PROM1: variants seen among roughly 807,000 people sequenced by gnomAD.
PROM1 encodes the protein prominin 1, also known as prominin-1.
In PROM1, 105 loss-of-function variants were observed where a neutral mutation model predicts 116.9. That is an observed-to-expected ratio of 0.90 (90% CI 0.77 to 1.06). The LOEUF is 1.06. Ranked by LOEUF, PROM1 falls within the 50% of genes least tolerant of loss-of-function variation. The pLI, the probability that PROM1 is intolerant of heterozygous loss-of-function variation, is 0.00. For missense variants in PROM1, 1,122 were observed against 1,045.2 expected (o/e 1.07, Z -1.01); for synonymous variants, 393 against 387.0 (o/e 1.02, Z -0.18).
intron 2 of PROM1, among the ~76,000 whole-genome samples, chr4:16,061,547 C>T (rs532036982): frequency 4.9e-4 from 74 of 152,322 alleles, no homozygotes; most frequent in Middle Eastern, 3.4e-3. Context: ...ACATCAGTTC[C>T]GTCCCTCAGA....
At chr4:16,050,565 G>C (rs1737632477) in intron 2 of PROM1, among the ~76,000 whole-genome samples, 1 of 152,114 alleles carries the variant, frequency 6.6e-6, no homozygotes, top group Admixed American at 6.6e-5. Flanking sequence ...TGTTGCCCGG[G>C]GTGGTCTCGA....
chr4:16,006,537 C>A lies in PROM1; in HGVS notation c.1454+1G>T. ...CATGACAGAGAGGAGCAGACACTCA[C>A]ACCATGAGGAAGACGCCTCCGGTGT... On this transcript the variant is annotated splice_donor_variant, in intron 13 of 27. Transcript: ENST00000447510. LOFTEE classifies it high-confidence loss of function. The A allele has an allele frequency of 6.3e-7, 1 of 1,585,394 alleles. No individual in the cohort carries two copies. The highest frequency in any genetic ancestry group is 8.6e-7 in the Non-Finnish European group (1 of 1,166,600).
chr4:15,971,655 C>G (rs1208179625), intron 26 of PROM1: 2 of 152,300 alleles, frequency 1.3e-5, no homozygotes, highest in Non-Finnish European at 2.9e-5. Flanking sequence ...CTAGTGAACT[C>G]CATCTGGAAG....
chr4:16,020,533 T>C (rs1246514282), intron 8 of PROM1, among the ~76,000 whole-genome samples: 11 of 152,122 alleles, frequency 7.2e-5, no homozygotes, highest in African/African-American at 2.4e-4. Flanking sequence ...ACAGAAATAC[T>C]CAGAAATACA....
intron 15 of PROM1, among the ~76,000 whole-genome samples, chr4:15,996,012 G>A (rs1351625332): frequency 2.0e-5 from 3 of 152,140 alleles, no homozygotes; most frequent in Admixed American, 6.5e-5. Context: ...TACTTAGCTC[G>A]CTTTACAACA....
chr4:15,980,230 A>G, intron 24 of PROM1, 192 bp downstream of exon 24: 1 of 654,304 alleles, frequency 1.5e-6, no homozygotes, highest in Non-Finnish European at 2.7e-6. Context: ...GGAAAAAAGT[A>G]GTTAAAACAA....
rs767709511 is a variant in PROM1 at position 16,033,314 on chromosome 4, T to C, written c.499A>G (p.Ile167Val). The change falls in exon 5 of 28, where the codon ATA becomes GTA. Residue 167 changes from isoleucine (I) to valine (V), a missense_variant. Physicochemically the swap from Ile to Val is conservative, Grantham distance 29. Transcript: ENST00000447510. ...CAATATTGTACTTGCCTTATTATTA[T>C]ACAAATCACCAACAGGGAGATTGCA... is the stretch of plus-strand genomic sequence containing the variant. ...CFAISLLVIC[I>V]IISIGIFYGF... The C allele has an allele frequency of 2.5e-6, 4 of 1,612,442 alleles. No individual in the cohort carries two copies. Among genetic ancestry groups the C allele is most frequent in the Admixed American group, 3.3e-5 (2 of 59,944 alleles).
chr4:16,048,957 C>T (rs1303109029), intron 2 of PROM1, among the ~76,000 whole-genome samples: 8 of 152,242 alleles, frequency 5.3e-5, no homozygotes, highest in African/African-American at 1.4e-4. Flanking sequence ...GGTGAAGGGA[C>T]GCTCCAGGGA....
intron 15 of PROM1, among the ~76,000 whole-genome samples, chr4:15,997,168 A>T (rs948459339): frequency 4.0e-5 from 6 of 151,456 alleles, no homozygotes; most frequent in African/African-American, 1.5e-4. Context: ...TTCACCACTG[A>T]GCAAAAGCAG....
chr4:15,998,549 T>C (rs1722895421), intron 14 of PROM1, 61 bp from the exon 15 acceptor site: 2 of 1,357,848 alleles, frequency 1.5e-6, no homozygotes, highest in African/African-American at 1.5e-5. Flanking sequence ...CATACTAATA[T>C]AATAAAATTA....
intron 13 of PROM1, 43 bp downstream of exon 13, chr4:16,006,495 C>T: frequency 6.5e-7 from 1 of 1,537,396 alleles, no homozygotes; most frequent in East Asian, 2.4e-5. Context: ...AGTCTCTCTC[C>T]TGCATTCCCA....
intron 22 of PROM1, among the ~76,000 whole-genome samples, chr4:15,984,678 C>A (rs1269108220): frequency 6.6e-6 from 1 of 152,092 alleles, no homozygotes; most frequent in African/African-American, 2.4e-5. Context: ...CTCATAGGAG[C>A]ATGAACCCTA....
chr4:16,008,096 A>G (rs1725962152), intron 12 of PROM1, among the ~76,000 whole-genome samples: 1 of 152,210 alleles, frequency 6.6e-6, no homozygotes, highest in Non-Finnish European at 1.5e-5. Context: ...ACTGTCCCAT[A>G]AATGGTAGCA....
In PROM1 at chr4:15,982,807, CAAG is replaced by C. The variant is rs540556857; in HGVS notation, c.2373+1453_2373+1455del. Among the ~76,000 whole-genome samples, 115 of 152,242 alleles carry C rather than the reference CAAG, an allele frequency of 7.6e-4. 1 individual carries two copies. The highest frequency in any genetic ancestry group is 6.8e-3 in the Middle Eastern group (2 of 294). The stretch of plus-strand genomic sequence containing the variant: ...AAGCACAGGACAAGAAAAGTAGTTG[CAAG>C]AAGAAGGAAGCATCCAGGAAGCAGG... On this transcript the variant is annotated intron_variant, in intron 23 of 27. Coordinates refer to ENST00000447510, the MANE Select transcript of PROM1 (RefSeq NM_006017.3).
intron 2 of PROM1, among the ~76,000 whole-genome samples, chr4:16,071,075 G>A (rs1034841424): frequency 4.6e-5 from 7 of 152,166 alleles, no homozygotes; most frequent in Admixed American, 1.3e-4. Flanking sequence ...GACATGGAAT[G>A]GACACTGCAT....
chr4:16,024,229 C>T lies in PROM1; in HGVS notation c.694+66G>A, dbSNP rs1407152066. The T allele has an allele frequency of 4.3e-6, 6 of 1,381,436 alleles. No individual in the cohort carries two copies. The Middle Eastern group carries it at 7.1e-4, about 164-fold the overall frequency. 85.6% of individuals were successfully genotyped at this position (1,381,436 alleles called of 1,614,324 possible). ...CTTTCACGTACGTCATTTCTTAGTC[C>T]ATGTTTTATGGGAGATGAGTCAAAA... On this transcript the variant is annotated intron_variant, in intron 7 of 27. Transcript: ENST00000447510.
At chr4:16,063,961 G>T (rs1463860370) in intron 2 of PROM1, among the ~76,000 whole-genome samples, 1 of 152,024 alleles carries the variant, frequency 6.6e-6, no homozygotes, top group Non-Finnish European at 1.5e-5. Flanking sequence ...GATAAACAGG[G>T]ACTCATTAGA....
At chr4:16,010,980 G>A (rs935276289) in intron 11 of PROM1, among the ~76,000 whole-genome samples, 3 of 152,034 alleles carry the variant, frequency 2.0e-5, no homozygotes, top group African/African-American at 7.2e-5. Flanking sequence ...GAGGATCCTT[G>A]GCCAAAAATG....
intron 13 of PROM1, 121 bp from the exon 14 acceptor site, chr4:16,000,740 A>G (rs1723584202): frequency 3.6e-6 from 3 of 842,152 alleles, no homozygotes; most frequent in Non-Finnish European, 3.3e-6. Context: ...TATTCAGGTG[A>G]AACAGATCAT....
Sources: allele counts gnomAD v4.1 joint callset (sites outside exome capture counted in the v4.1 genomes callset), GRCh38; gene constraint gnomAD v4.1.1; transcripts MANE v1.5; gene names NCBI Gene and HGNC (gene_info 2026-07-23, HGNC 2026-07-21).